Variants in PCDHGB7 observed in about 807,000 individuals in gnomAD.
PCDHGB7 encodes the protein protocadherin gamma subfamily B, 7, also known as protocadherin gamma-B7.
Under a neutral mutation model 61.4 loss-of-function variants are expected in PCDHGB7, and 37 were observed. That is an observed-to-expected ratio of 0.60 (90% CI 0.46 to 0.79). PCDHGB7 has a LOEUF of 0.79. Among genes scored for constraint, PCDHGB7 ranks in the 30% least tolerant of loss-of-function variants. The pLI is 0.00. For synonymous variants in PCDHGB7, 464 were observed against 503.5 expected (o/e 0.92, Z 1.05); for missense variants, 1,166 against 1,202.5 (o/e 0.97, Z 0.45).
At chr5:141,449,948 C>T (rs1294423807) in intron 1 of PCDHGB7, among the ~76,000 whole-genome samples, 1 of 151,034 alleles carries the variant, frequency 6.6e-6, no homozygotes, top group Non-Finnish European at 1.5e-5. Context: ...TTTTACTATA[C>T]CTCATAGTAA....
Position 141,432,059 on chromosome 5 carries a change from A to T in PCDHGB7, c.2415+11785A>T. On this transcript the variant is annotated intron_variant, in intron 1 of 3. Transcript: ENST00000398594. This position sits in a 1 kb window ranked among gnomAD's most constrained non-coding sequence, Gnocchi z 6.0. ...TGACCGGGGAACCCCGCCCCTATCC[A>T]CGGAAACTCATATCTCGCTGAACGT... The T allele has an allele frequency of 6.2e-7, 1 of 1,614,170 alleles. No homozygotes were observed. Among genetic ancestry groups the T allele is most frequent in the Non-Finnish European group, 8.5e-7 (1 of 1,180,030 alleles).
In PCDHGB7 at chr5:141,419,209, G is replaced by C; in HGVS notation, c.1350G>C (p.Pro450=). 6.2e-7 allele frequency: 1 copy of C among 1,613,900 alleles called. No homozygotes were observed. The highest frequency in any genetic ancestry group is 1.7e-5 in the Admixed American group (1 of 60,018). ...TTACTGACGTCAATGACAACGCGCC[G>C]GTTTTCGGACAGTCAGCCTACCTGG... ...LHITDVNDNA[P]VFGQSAYLVH... Residue 450 remains proline (P), a synonymous_variant, in exon 1 of 4, where the codon CCG becomes CCC. Coordinates refer to ENST00000398594, the MANE Select transcript of PCDHGB7 (RefSeq NM_018927.4).
chr5:141,469,992 G>T (rs894673835), intron 1 of PCDHGB7, among the ~76,000 whole-genome samples: 2 of 152,056 alleles, frequency 1.3e-5, no homozygotes, highest in Non-Finnish European at 2.9e-5. Context: ...TTAGCTGGTC[G>T]TCGTGGCACG....
Position 141,485,046 on chromosome 5 carries a change from G to A in PCDHGB7, c.2416-9761G>A. On this transcript the variant is annotated intron_variant, in intron 1 of 3. Transcript: ENST00000398594. This position sits in a 1 kb window ranked among gnomAD's most constrained non-coding sequence, Gnocchi z 5.7. ...AAAAACGGCGCGTAACCCTTGCGGCGCCGGCCGAACCGCGCCAGAGCTGGC... is the reference window on the plus strand; with the variant it reads ...AAAAACGGCGCGTAACCCTTGCGGCACCGGCCGAACCGCGCCAGAGCTGGC... 2 of 750,304 alleles carry A rather than the reference G, an allele frequency of 2.7e-6. No individual in the cohort carries two copies. The highest frequency in any genetic ancestry group is 4.5e-6 in the Non-Finnish European group (2 of 443,046). The allele number at this position is 750,304 out of a possible 1,614,324, so 46.5% of individuals were successfully genotyped here. A position where few individuals can be genotyped will look rare whatever the true frequency, so the allele number is the denominator to read the frequency against.
chr5:141,478,038 G>A lies in PCDHGB7; in HGVS notation c.2416-16769G>A, dbSNP rs1401384720. ...CCAGTCCAAGACACAGATTCACCCA[G>A]GCAGACTCTCACGGTCTTGATCAAA... On this transcript the variant is annotated intron_variant, in intron 1 of 3. Transcript: ENST00000398594. 8 of 1,614,006 alleles carry A rather than the reference G, an allele frequency of 5.0e-6. No homozygotes were observed. In the African/African-American group the frequency reaches 1.1e-4, roughly 22 times the overall value.
At position 141,491,127 on chromosome 5, in the gene PCDHGB7, C is replaced by T. The variant is rs2099708654; in HGVS notation, c.2416-3680C>T. On this transcript the variant is annotated intron_variant, in intron 1 of 3. Transcript: ENST00000398594. This position sits in a 1 kb window ranked among gnomAD's most constrained non-coding sequence, Gnocchi z 6.9. ...TGTCTACACACACTGGTGAGGTGCGCACAGCCCGGGCCTTACTGGAGGATG... is the reference window on the plus strand; with the variant it reads ...TGTCTACACACACTGGTGAGGTGCGTACAGCCCGGGCCTTACTGGAGGATG... 1 of 1,614,076 alleles carries T rather than the reference C, an allele frequency of 6.2e-7. No individual in the cohort carries two copies. The highest frequency in any genetic ancestry group is 1.3e-5 in the African/African-American group (1 of 74,942).
At chr5:141,501,319 A>G (rs2099807834) in intron 2 of PCDHGB7, among the ~76,000 whole-genome samples, 1 of 151,710 alleles carries the variant, frequency 6.6e-6, no homozygotes, top group Non-Finnish European at 1.5e-5. Context: ...ACACACACAC[A>G]CACACACACA....
At chr5:141,496,021 G>T (rs1011612662) in intron 2 of PCDHGB7, among the ~76,000 whole-genome samples, 2 of 151,336 alleles carry the variant, frequency 1.3e-5, no homozygotes, top group African/African-American at 4.9e-5. Flanking sequence ...TTTTCTCTGA[G>T]CCTCTGTCTC....
chr5:141,418,007 C>G lies in PCDHGB7; in HGVS notation c.148C>G (p.Leu50Val), dbSNP rs1561770675. The G allele has an allele frequency of 6.2e-7, 1 of 1,613,904 alleles. No individual in the cohort carries two copies. The highest frequency in any genetic ancestry group is 8.5e-7 in the Non-Finnish European group (1 of 1,179,796). Residue 50 changes from leucine to valine, a missense_variant, in exon 1 of 4, where the codon CTC (leucine) becomes GTC (valine). Transcript: ENST00000398594. ...ELAKGSVVGN[L>V]AKDLGLSVLD... ...GGCCAAGGGCTCGGTGGTGGGGAAC[C>G]TCGCTAAGGATCTAGGGCTTAGTGT... is the stretch of plus-strand genomic sequence containing the variant.
rs182282975 is a variant in PCDHGB7 at position 141,420,903 on chromosome 5, A to G, written c.2415+629A>G. The G allele has an allele frequency of 1.7e-5, 5 of 296,804 alleles. No individual in the cohort carries two copies. In the Admixed American group the frequency reaches 1.8e-4, roughly 11 times the overall value. The allele number at this position is 296,804 out of a possible 1,614,324, so 18.4% of individuals were successfully genotyped here. On this transcript the variant is annotated intron_variant, in intron 1 of 3. Transcript: ENST00000398594. ...TGTATCATCGTTTTTAAGCTCTACA[A>G]ATACGTGTGATTCACAAAGGTGAGC...
chr5:141,492,487 C>T (rs1031047955), intron 1 of PCDHGB7, among the ~76,000 whole-genome samples: 1 of 152,222 alleles, frequency 6.6e-6, no homozygotes, highest in Non-Finnish European at 1.5e-5. Context: ...CGCCCAGGAC[C>T]AGGCGAGGAC....
intron 1 of PCDHGB7, among the ~76,000 whole-genome samples, chr5:141,457,836 C>T (rs1418402508): frequency 6.6e-6 from 1 of 152,202 alleles, no homozygotes; most frequent in African/African-American, 2.4e-5. Context: ...GCTTCCAGAC[C>T]TGTTAGAAAG....
chr5:141,432,336 G>A lies in PCDHGB7; in HGVS notation c.2415+12062G>A. On this transcript the variant is annotated intron_variant, in intron 1 of 3. Coordinates refer to ENST00000398594, the MANE Select transcript of PCDHGB7 (RefSeq NM_018927.4). The surrounding 1 kb of genome is among the most constrained non-coding windows in gnomAD (Gnocchi z 6.0). ...AGCTCCTTCGACTACGAGCAGTTCC[G>A]AGACTTGCAAGTGAAAGTGATGGCG... 1.2e-6 allele frequency: 2 copies of A among 1,614,250 alleles called. No homozygotes were observed. The highest frequency in any genetic ancestry group is 1.7e-6 in the Non-Finnish European group (2 of 1,180,040).
At chr5:141,422,272 A>G in intron 1 of PCDHGB7, 1 of 1,561,362 alleles carries the variant, frequency 6.4e-7, no homozygotes, top group Non-Finnish European at 8.6e-7. Context: ...TCCAGAAATA[A>G]CTATCACCTC....
chr5:141,486,337 C>T lies in PCDHGB7; in HGVS notation c.2416-8470C>T, dbSNP rs116799150. On this transcript the variant is annotated intron_variant, in intron 1 of 3. Coordinates refer to ENST00000398594, the MANE Select transcript of PCDHGB7 (RefSeq NM_018927.4). The surrounding 1 kb of genome is among the most constrained non-coding windows in gnomAD (Gnocchi z 5.0). ...GGTCAAACGGAGATGTGAGCCTCCG[C>T]ATTCCTGACCACTTGCCATTTGCCC... 1 of 1,614,076 alleles carries T rather than the reference C, an allele frequency of 6.2e-7. No homozygotes were observed. Among genetic ancestry groups the T allele is most frequent in the Non-Finnish European group, 8.5e-7 (1 of 1,179,966 alleles).
At chr5:141,428,141 G>C (rs1314061143) in intron 1 of PCDHGB7, 2 of 1,596,500 alleles carry the variant, frequency 1.3e-6, no homozygotes, top group African/African-American at 2.7e-5. Context: ...GCCTGGGGCT[G>C]CACACGGGAA....
chr5:141,474,170 T>G (rs535586079), intron 1 of PCDHGB7, among the ~76,000 whole-genome samples: 1 of 152,346 alleles, frequency 6.6e-6, no homozygotes, highest in South Asian at 2.1e-4. Flanking sequence ...GCCTTATTAT[T>G]GAGAAAACTA....
chr5:141,477,630 T>G lies in PCDHGB7; in HGVS notation c.2416-17177T>G. The G allele has an allele frequency of 6.2e-7, 1 of 1,614,228 alleles. No homozygotes were observed. The highest frequency in any genetic ancestry group is 8.5e-7 in the Non-Finnish European group (1 of 1,180,042). ...TTGGAGCAAGGAGCTGAAACCGGGC[T>G]AGTGGGTCGCTATTTCACAATAAAT... On this transcript the variant is annotated intron_variant, in intron 1 of 3. Coordinates refer to ENST00000398594, the MANE Select transcript of PCDHGB7 (RefSeq NM_018927.4). The surrounding 1 kb of genome is among the most constrained non-coding windows in gnomAD (Gnocchi z 4.9).
At position 141,486,783 on chromosome 5, in the gene PCDHGB7, C is replaced by A. The variant is rs905423670; in HGVS notation, c.2416-8024C>A. ...CAGACACTGCAGTTTGAGGTGCAGG[C>A]CCGGGATCGGGGCAACCCACCCCTT... On this transcript the variant is annotated intron_variant, in intron 1 of 3. Transcript: ENST00000398594. The surrounding 1 kb of genome is among the most constrained non-coding windows in gnomAD (Gnocchi z 5.0). 6.2e-7 allele frequency: 1 copy of A among 1,614,102 alleles called. No homozygotes were observed.
Sources: allele counts gnomAD v4.1 joint callset (sites outside exome capture counted in the v4.1 genomes callset), GRCh38; gene constraint gnomAD v4.1.1; non-coding constraint Gnocchi (gnomAD v3.1); transcripts MANE v1.5; gene names NCBI Gene and HGNC (gene_info 2026-07-23, HGNC 2026-07-21).